The following HIP1 variants were observed in gnomAD, a reference collection of about 807,000 sequenced individuals.
The protein encoded by HIP1 is huntingtin interacting protein 1, also known as huntingtin-interacting protein 1.
A neutral mutation model predicts 147.6 loss-of-function variants in HIP1; 65 were observed. That is an observed-to-expected ratio of 0.44 (90% CI 0.36 to 0.54). The LOEUF is 0.54. Among genes scored for constraint, HIP1 ranks in the 20% least tolerant of loss-of-function variants. The pLI, the probability that HIP1 is intolerant of heterozygous loss-of-function variation, is 0.00. For missense variants in HIP1, 1,061 were observed against 1,299.6 expected (o/e 0.82, Z 2.82); for synonymous variants, 479 against 504.0 (o/e 0.95, Z 0.67).
chr7:75,560,201 G>A (rs959547695), intron 13 of HIP1, among the ~76,000 whole-genome samples: 24 of 151,964 alleles, frequency 1.6e-4, no homozygotes, highest in African/African-American at 5.8e-4. Context: ...AGGGGCGGTT[G>A]TTAATATAGC....
chr7:75,684,222 G>A (rs1800182959), intron 1 of HIP1, among the ~76,000 whole-genome samples: 1 of 152,034 alleles, frequency 6.6e-6, no homozygotes, highest in Admixed American at 6.6e-5. Flanking sequence ...CAAGGTAGGT[G>A]GATCGCCGGA....
chr7:75,638,425 C>T (rs1477858846), intron 1 of HIP1, among the ~76,000 whole-genome samples: 3 of 152,068 alleles, frequency 2.0e-5, no homozygotes, highest in Non-Finnish European at 4.4e-5. Context: ...GCACAGACCC[C>T]TCCAGAGGAG....
At chr7:75,705,166 A>G (rs1334870792) in intron 1 of HIP1, among the ~76,000 whole-genome samples, 19 of 151,804 alleles carry the variant, frequency 1.3e-4, no homozygotes, top group South Asian at 4.2e-4. Context: ...CTATTAAACA[A>G]TTTCTCCCCA....
intron 1 of HIP1, among the ~76,000 whole-genome samples, chr7:75,676,516 C>A (rs1429609633): frequency 3.3e-5 from 5 of 151,842 alleles, no homozygotes; most frequent in African/African-American, 9.7e-5. Context: ...GTGGCTCATG[C>A]CTGTAATCCC....
intron 8 of HIP1, among the ~76,000 whole-genome samples, chr7:75,572,094 C>T (rs1470371632): frequency 2.6e-5 from 4 of 152,050 alleles, no homozygotes; most frequent in African/African-American, 9.7e-5. Context: ...TGTGCCAGCA[C>T]AGACCTGTGG....
intron 1 of HIP1, among the ~76,000 whole-genome samples, chr7:75,659,173 C>T (rs1799228247): frequency 6.6e-6 from 1 of 152,280 alleles, no homozygotes; most frequent in Admixed American, 6.5e-5. Context: ...TGGCTTTCCC[C>T]CAAATCCTGA....
chr7:75,597,889 G>A (rs1554502275), intron 2 of HIP1, among the ~76,000 whole-genome samples: 1 of 152,074 alleles, frequency 6.6e-6, no homozygotes, highest in East Asian at 1.9e-4. Flanking sequence ...CCTGGATTCT[G>A]CAACTCAAAG....
intron 1 of HIP1, among the ~76,000 whole-genome samples, chr7:75,690,500 C>A (rs1029421061): frequency 2.0e-5 from 3 of 152,180 alleles, no homozygotes; most frequent in African/African-American, 7.2e-5. Context: ...AAACCGGAAC[C>A]CTTGTACACT....
At chr7:75,609,211 C>T (rs1554504381) in intron 1 of HIP1, among the ~76,000 whole-genome samples, 2 of 152,190 alleles carry the variant, frequency 1.3e-5, no homozygotes, top group African/African-American at 4.8e-5. Context: ...CTGTCATCAT[C>T]GTGCCCCAGT....
chr7:75,624,476 T>G (rs1235460713), intron 1 of HIP1, among the ~76,000 whole-genome samples: 1 of 152,074 alleles, frequency 6.6e-6, no homozygotes, highest in Non-Finnish European at 1.5e-5. Context: ...ATAGGGGTGT[T>G]GGCCGTGGGG....
chr7:75,538,651 T>C (rs1554489230), intron 30 of HIP1, among the ~76,000 whole-genome samples: 2 of 147,646 alleles, frequency 1.4e-5, no homozygotes, highest in Non-Finnish European at 3.0e-5. Flanking sequence ...CTCGGCTCAC[T>C]GCAAGCTCCG....
intron 7 of HIP1, among the ~76,000 whole-genome samples, chr7:75,574,765 CT>C (rs1795778856): frequency 1.3e-5 from 2 of 152,168 alleles, no homozygotes; most frequent in Non-Finnish European, 2.9e-5. Flanking sequence ...GCAGAGACCC[CT>C]GATAGCTCAG....
intron 18 of HIP1, among the ~76,000 whole-genome samples, chr7:75,555,782 C>T (rs1801899177): frequency 1.3e-5 from 2 of 151,792 alleles, no homozygotes; most frequent in Admixed American, 1.3e-4. Flanking sequence ...GCCCGCTTCT[C>T]ATGGCTGGGA....
intron 1 of HIP1, among the ~76,000 whole-genome samples, chr7:75,699,323 A>G (rs1451290640): frequency 6.6e-6 from 1 of 152,138 alleles, no homozygotes; most frequent in African/African-American, 2.4e-5. Context: ...TATACTAGAA[A>G]ATATACTCTT....
intron 8 of HIP1, 93 bp downstream of exon 8, chr7:75,573,668 G>A: frequency 7.5e-7 from 1 of 1,327,524 alleles, no homozygotes; most frequent in East Asian, 2.3e-5. Flanking sequence ...CAAAGGCACT[G>A]AGAAGGACTG....
intron 19 of HIP1, 128 bp from the exon 20 acceptor site, chr7:75,554,654 G>A (rs1794922411): frequency 1.5e-6 from 1 of 646,142 alleles, no homozygotes; most frequent in East Asian, 2.7e-5. Context: ...AAGTTCATGA[G>A]TAATCACCTC....
chr7:75,664,910 C>T (rs555854495), intron 1 of HIP1, among the ~76,000 whole-genome samples: 9 of 152,202 alleles, frequency 5.9e-5, no homozygotes, highest in Admixed American at 4.6e-4. Flanking sequence ...CGTGAGCCAT[C>T]ATGCCCAGTC....
intron 1 of HIP1, among the ~76,000 whole-genome samples, chr7:75,719,136 A>G (rs1329015345): frequency 2.6e-5 from 4 of 152,004 alleles, no homozygotes; most frequent in Non-Finnish European, 5.9e-5. Flanking sequence ...TGGGCAACAT[A>G]GAGAGATCCT....
intron 1 of HIP1, among the ~76,000 whole-genome samples, chr7:75,664,483 CAT>C (rs781996511): frequency 1.2e-4 from 13 of 105,652 alleles, no homozygotes; most frequent in Non-Finnish European, 1.7e-4. Context: ...CGTATACACA[CAT>C]ATATACACAT....
Sources: allele counts gnomAD v4.1 joint callset (sites outside exome capture counted in the v4.1 genomes callset), GRCh38; gene constraint gnomAD v4.1.1; transcripts MANE v1.5; gene names NCBI Gene and HGNC (gene_info 2026-07-23, HGNC 2026-07-21).